Variants in BARD1 observed in about 807,000 individuals in gnomAD.
The protein encoded by BARD1 is BRCA1-associated RING domain protein 1.
A neutral mutation model predicts 77.0 loss-of-function variants in BARD1; 73 were observed. The observed-to-expected ratio is 0.95, with a 90% CI of 0.79 to 1.15. BARD1 has a LOEUF of 1.15. Among genes scored for constraint, BARD1 ranks in the 50% most tolerant of loss-of-function variants. The pLI is 0.00. For synonymous variants in BARD1, 384 were observed against 338.0 expected (o/e 1.14, Z -1.49); for missense variants, 993 against 938.8 (o/e 1.06, Z -0.75).
At chr2:214,806,423 C>A (rs1285643197) in intron 1 of BARD1, among the ~76,000 whole-genome samples, 2 of 152,150 alleles carry the variant, frequency 1.3e-5, no homozygotes, top group Non-Finnish European at 2.9e-5. Context: ...TTGCTCCTTG[C>A]CGGCAATGTC....
chr2:214,762,984 G>A (rs1394011620), intron 6 of BARD1, among the ~76,000 whole-genome samples: 2 of 148,504 alleles, frequency 1.3e-5, no homozygotes, highest in Non-Finnish European at 3.0e-5. Context: ...TCCCCAGTGT[G>A]AAGGAGGAGG....
At chr2:214,805,440 C>T (rs1229135093) in intron 1 of BARD1, among the ~76,000 whole-genome samples, 1 of 152,150 alleles carries the variant, frequency 6.6e-6, no homozygotes, top group Non-Finnish European at 1.5e-5. Context: ...GATCACTGCT[C>T]TGTGAGAATG....
intron 3 of BARD1, among the ~76,000 whole-genome samples, chr2:214,787,413 A>G (rs1277568457): frequency 6.6e-6 from 1 of 151,980 alleles, no homozygotes; most frequent in Non-Finnish European, 1.5e-5. Context: ...AGCAAGGAGC[A>G]CAACAAAGAT....
rs1559426297 is a variant in BARD1, at chr2:214,781,473, T to C, written c.401A>G (p.Asn134Ser). Reference sequence around the variant, plus strand: ...TGAATTCTTCTTGTTTCCTGCATCATTAAACAAACTTTTCCTAGGTTTATC... The same window carrying C: ...TGAATTCTTCTTGTTTCCTGCATCACTAAACAAACTTTTCCTAGGTTTATC... ...KEDKPRKSLF[N>S]DAGNKKNSIK... Residue 134 changes from asparagine to serine, a missense_variant, in exon 4 of 11, where the codon AAT becomes AGT. Asn to Ser is a conservative substitution (Grantham distance 46). Coordinates refer to ENST00000260947, the MANE Select transcript of BARD1 (RefSeq NM_000465.4). 1.9e-6 allele frequency: 3 copies of C among 1,612,176 alleles called. No individual in the cohort carries two copies. The highest frequency in any genetic ancestry group is 2.7e-5 in the African/African-American group (2 of 74,952).
At chr2:214,806,875 G>GAA (rs140107019) in intron 1 of BARD1, among the ~76,000 whole-genome samples, 11,047 of 105,884 alleles carry the variant, frequency 0.1, 736 homozygotes, top group Middle Eastern at 0.2. Context: ...CTTTGCCTAG[G>GAA]GAAAAAAAAA....
chr2:214,765,783 A>G (rs1694169504), intron 6 of BARD1, among the ~76,000 whole-genome samples: 1 of 152,082 alleles, frequency 6.6e-6, no homozygotes, highest in South Asian at 2.1e-4. Context: ...TAAAAACCGG[A>G]AGAATATACA....
chr2:214,767,710 G>A (rs2106077484), intron 5 of BARD1, 56 bp from the exon 6 acceptor site: 1 of 1,479,872 alleles, frequency 6.8e-7, no homozygotes, highest in Non-Finnish European at 9.4e-7. Flanking sequence ...AGCAATGGAT[G>A]ATATTATAAT....
rs1692076562 is a variant in BARD1 at position 214,726,167 on chromosome 2, C to T, written c.*2509G>A. On this transcript the variant is annotated 3_prime_UTR_variant, in exon 11 of 11. Coordinates refer to ENST00000260947, the MANE Select transcript of BARD1 (RefSeq NM_000465.4). ...ACACATTGCTCATTTACCCTTATTT[C>T]AATCATAATGCTAATATACTTCCCA... The T allele has an allele frequency of 4.7e-6, 1 of 213,836 alleles. No homozygotes were observed. Among genetic ancestry groups the T allele is most frequent in the Admixed American group, 5.8e-5 (1 of 17,142 alleles). 13.2% of individuals were successfully genotyped at this position (213,836 alleles called of 1,614,324 possible). A position where few individuals can be genotyped will look rare whatever the true frequency, so the allele number is the denominator to read the frequency against.
chr2:214,770,574 G>A (rs900842986), intron 4 of BARD1, among the ~76,000 whole-genome samples: 9 of 152,180 alleles, frequency 5.9e-5, no homozygotes, highest in African/African-American at 1.2e-4. Flanking sequence ...ATATTAATTC[G>A]ACTTTCATAT....
chr2:214,780,985 C>T lies in BARD1; in HGVS notation c.889G>A (p.Val297Ile), dbSNP rs754720101. Residue 297 changes from valine to isoleucine, a missense_variant, in exon 4 of 11, where the codon GTA becomes ATA. Transcript: ENST00000260947. ...TTGCAGACCTTCTCAGGAGTCACTA[C>T]TTCATTCCTGCTCTTAGTGTCTGGA... ...ESPDTKSRNE[V>I]VTPEKVCKNY... 3 of 1,613,414 alleles carry T rather than the reference C, an allele frequency of 1.9e-6. No individual in the cohort carries two copies. Among genetic ancestry groups the T allele is most frequent in the South Asian group, 1.1e-5 (1 of 91,012 alleles).
intron 2 of BARD1, among the ~76,000 whole-genome samples, 185 bp from the exon 3 acceptor site, chr2:214,792,630 ATGT>A (rs2106136451): frequency 6.6e-6 from 1 of 152,296 alleles, no homozygotes; most frequent in African/African-American, 2.4e-5. Context: ...AAGGTTGCTC[ATGT>A]AATTTGCTAT....
intron 1 of BARD1, among the ~76,000 whole-genome samples, chr2:214,808,663 T>C (rs1314397033): frequency 6.6e-6 from 1 of 150,718 alleles, no homozygotes; most frequent in Non-Finnish European, 1.5e-5. Flanking sequence ...ACAAACCTTC[T>C]TGGTTTGTAT....
rs1574816237 is a variant in BARD1, at chr2:214,780,617, A to G, written c.1257T>C (p.Asn419=). 1 of 1,614,090 alleles carries G rather than the reference A, an allele frequency of 6.2e-7. No individual in the cohort carries two copies. Among genetic ancestry groups the G allele is most frequent in the Non-Finnish European group, 8.5e-7 (1 of 1,179,978 alleles). Residue 419 remains asparagine (N), a synonymous_variant, in exon 4 of 11, where the codon AAT becomes AAC. Transcript: ENST00000260947. ...CTCTATGATTTCTTTTCACAGCCAT[A>G]TTGGGCAACAGCTTCATTGCTGAGG... The part of the protein sequence containing the change: ...SSPSAMKLLP[N]MAVKRNHRGE...
At position 214,809,479 on chromosome 2, in the gene BARD1, G is replaced by A. The variant is rs1064795053; in HGVS notation, c.91C>T (p.Arg31Cys). 35 of 1,609,800 alleles carry A rather than the reference G, an allele frequency of 2.2e-5. No individual in the cohort carries two copies. Among genetic ancestry groups the A allele is most frequent in the Non-Finnish European group, 3.0e-5 (35 of 1,179,142 alleles). Reference sequence around the variant, plus strand: ...GCGCGACTGTGGGCCCAGGCACCGCGACCATCCGGTTCCATGGCGGGCGCG... The same window carrying A: ...GCGCGACTGTGGGCCCAGGCACCGCAACCATCCGGTTCCATGGCGGGCGCG... ...RSAPAMEPDG[R>C]GAWAHSRAAL... The change falls in exon 1 of 11, where the codon CGC (arginine) becomes TGC (cysteine). Residue 31 changes from arginine (R) to cysteine (C), a missense_variant. Physicochemically the swap from Arg to Cys is radical, Grantham distance 180. Transcript: ENST00000260947.
At chr2:214,795,806 G>C (rs1426334798) in intron 2 of BARD1, among the ~76,000 whole-genome samples, 1 of 152,106 alleles carries the variant, frequency 6.6e-6, no homozygotes, top group Non-Finnish European at 1.5e-5. Flanking sequence ...GGCTGAAGAG[G>C]AGGATGATCA....
intron 6 of BARD1, among the ~76,000 whole-genome samples, chr2:214,755,521 T>A (rs1693653977): frequency 6.6e-6 from 1 of 152,238 alleles, no homozygotes; most frequent in African/African-American, 2.4e-5. Context: ...CAAACAGGTA[T>A]CAAACTGATA....
chr2:214,792,249 A>G (rs764824926), intron 3 of BARD1, 48 bp downstream of exon 3: 1 of 1,558,278 alleles, frequency 6.4e-7, no homozygotes, highest in Admixed American at 1.7e-5. Flanking sequence ...TGAATTCATC[A>G]GTTTTTAACT....
chr2:214,795,464 T>C (rs1021179461), intron 2 of BARD1, among the ~76,000 whole-genome samples: 2 of 152,026 alleles, frequency 1.3e-5, no homozygotes, highest in Admixed American at 6.6e-5. Context: ...TTAACTGCAA[T>C]AGGAACCCAC....
intron 4 of BARD1, among the ~76,000 whole-genome samples, chr2:214,770,732 C>CA (rs887287329): frequency 6.6e-6 from 1 of 151,598 alleles, no homozygotes; most frequent in Non-Finnish European, 1.5e-5. Context: ...TGAAGTAAGA[C>CA]AAAAAAAATA....
Sources: gnomAD v4.1 joint callset for allele counts (sites outside exome capture counted in the v4.1 genomes callset) on GRCh38, gnomAD v4.1.1 for gene constraint, MANE v1.5 for transcripts, NCBI Gene and HGNC (gene_info 2026-07-23, HGNC 2026-07-21) for gene names.